Variants in KAT6B observed in about 807,000 individuals in gnomAD.
KAT6B encodes the protein lysine acetyltransferase 6B.
In KAT6B, 10 loss-of-function variants were observed where a neutral mutation model predicts 187.5. The ratio of observed to expected loss-of-function variants is 0.05; its 90% CI spans 0.03 to 0.09. KAT6B has a LOEUF of 0.09. Ranked by LOEUF, KAT6B falls within the 10% of genes least tolerant of loss-of-function variation. The pLI, the probability that KAT6B is intolerant of heterozygous loss-of-function variation, is 1.00. For missense variants in KAT6B, 1,952 were observed against 2,558.9 expected (o/e 0.76, Z 5.12); for synonymous variants, 861 against 926.8 (o/e 0.93, Z 1.29).
chr10:74,980,383 T>C (rs1162073227), intron 10 of KAT6B, among the ~76,000 whole-genome samples: 1 of 152,210 alleles, frequency 6.6e-6, no homozygotes, highest in Non-Finnish European at 1.5e-5. Flanking sequence ...AGATCTTATT[T>C]TTTTTCGTTA....
At chr10:74,828,716 T>C (rs1374245756) in intron 1 of KAT6B, among the ~76,000 whole-genome samples, 2 of 151,814 alleles carry the variant, frequency 1.3e-5, no homozygotes, top group South Asian at 4.2e-4. Flanking sequence ...TACAGGCGCC[T>C]GCCACCACGC....
chr10:74,899,713 C>T lies in KAT6B; in HGVS notation c.621+56235C>T, dbSNP rs182608675. Among the ~76,000 whole-genome samples, 140 of 152,280 alleles carry T rather than the reference C, an allele frequency of 9.2e-4. 1 individual carries two copies. The highest frequency in any genetic ancestry group is 1.8e-4 in the Non-Finnish European group (12 of 68,022). On this transcript the variant is annotated intron_variant, in intron 3 of 17. Coordinates refer to ENST00000287239, the MANE Select transcript of KAT6B (RefSeq NM_012330.4). ...TTTTTGGGTGTAAGTTTGTCCTCTA[C>T]TCCTGAGTAAGTAAGTGACCTTAGG... is the stretch of plus-strand genomic sequence containing the variant.
chr10:74,914,638 T>C (rs2132968333), intron 3 of KAT6B, among the ~76,000 whole-genome samples: 1 of 152,330 alleles, frequency 6.6e-6, no homozygotes, highest in Middle Eastern at 3.4e-3. Flanking sequence ...TGAGCCATCG[T>C]TTTTTGAATT....
intron 3 of KAT6B, among the ~76,000 whole-genome samples, chr10:74,871,713 T>C (rs1157218103): frequency 6.6e-6 from 1 of 152,074 alleles, no homozygotes; most frequent in African/African-American, 2.4e-5. Context: ...AAGGGGAGCA[T>C]TGTGAGGTAT....
chr10:74,879,734 C>T (rs1376316751), intron 3 of KAT6B, among the ~76,000 whole-genome samples: 2 of 151,978 alleles, frequency 1.3e-5, no homozygotes, highest in Non-Finnish European at 2.9e-5. Context: ...TTTTTCCTTC[C>T]TTTCTAAGCT....
chr10:74,828,750 G>A (rs538391118), intron 1 of KAT6B, among the ~76,000 whole-genome samples: 2 of 151,592 alleles, frequency 1.3e-5, no homozygotes, highest in African/African-American at 4.8e-5. Context: ...TGTATATTTA[G>A]TAGAGACGGG....
At chr10:74,984,719 A>G (rs1259363555) in intron 11 of KAT6B, 2 of 266,104 alleles carry the variant, frequency 7.5e-6, no homozygotes, top group Non-Finnish European at 1.5e-5. Flanking sequence ...ATCTGTTTAT[A>G]TTTCCTTAAT....
At chr10:74,861,930 A>C (rs1055164797) in intron 3 of KAT6B, among the ~76,000 whole-genome samples, 2 of 152,168 alleles carry the variant, frequency 1.3e-5, no homozygotes, top group African/African-American at 4.8e-5. Flanking sequence ...ACCTTGCCTA[A>C]CCCAAGATGA....
intron 3 of KAT6B, among the ~76,000 whole-genome samples, chr10:74,907,783 G>A (rs953794496): frequency 6.6e-6 from 1 of 152,190 alleles, no homozygotes. Flanking sequence ...ATCTGTCTTG[G>A]CCTCCCAAAG....
intron 17 of KAT6B, 58 bp downstream of exon 17, chr10:75,025,307 C>G: frequency 1.3e-6 from 2 of 1,581,870 alleles, no homozygotes; most frequent in South Asian, 1.1e-5. Flanking sequence ...TGACTGGGTG[C>G]CAAAGAGCAG....
intron 3 of KAT6B, among the ~76,000 whole-genome samples, chr10:74,942,765 C>CAAAAAAAAAAAAAAAAAAAAAA (rs56276008): frequency 1.1e-4 from 1 of 9,356 alleles, no homozygotes; most frequent in African/African-American, 2.4e-4. Context: ...AACTCCATCG[C>CAAAAAAAAAAAAAAAAAAAAAA]AAAAAAAAAA....
chr10:74,936,692 A>G (rs978097394), intron 3 of KAT6B, among the ~76,000 whole-genome samples: 1 of 152,170 alleles, frequency 6.6e-6, no homozygotes, highest in Non-Finnish European at 1.5e-5. Context: ...GTATGTGTGT[A>G]ATATTGGAGC....
chr10:75,008,107 G>A (rs1262912085), intron 13 of KAT6B, among the ~76,000 whole-genome samples: 1 of 152,180 alleles, frequency 6.6e-6, no homozygotes, highest in South Asian at 2.1e-4. Context: ...AGGGTTGTGC[G>A]TTAACAGAAT....
rs1842369847 is a variant in KAT6B at position 74,979,401 on chromosome 10, C to A, written c.2231+62C>A. The stretch of plus-strand genomic sequence containing the variant: ...GTCACATATGTGAGAAAGGAAAATT[C>A]TTGATTCTAAAGCAGGAATTAGGGA... On this transcript the variant is annotated intron_variant, in intron 10 of 17. Coordinates refer to ENST00000287239, the MANE Select transcript of KAT6B (RefSeq NM_012330.4). 2.9e-5 allele frequency: 35 copies of A among 1,187,816 alleles called. 2 individuals are homozygous for A. In the South Asian group the frequency reaches 4.3e-4, roughly 15 times the overall value. The allele number at this position is 1,187,816 out of a possible 1,614,324, so 73.6% of individuals were successfully genotyped here. A position where few individuals can be genotyped will look rare whatever the true frequency, so the allele number is the denominator to read the frequency against.
At chr10:74,904,377 G>C (rs977010530) in intron 3 of KAT6B, among the ~76,000 whole-genome samples, 1 of 152,222 alleles carries the variant, frequency 6.6e-6, no homozygotes, top group African/African-American at 2.4e-5. Context: ...CCTTATGGTT[G>C]TAAGACTGAG....
intron 10 of KAT6B, among the ~76,000 whole-genome samples, chr10:74,981,306 T>TCTTCCTTCCTTCCTTCCTTCCTTCCTTC (rs558339853): frequency 7.6e-4 from 107 of 140,000 alleles, no homozygotes; most frequent in African/African-American, 3.0e-3. Flanking sequence ...TTTCTTTCTT[T>TCTTCCTTCCTTCCTTCCTTCCTTCCTTC]CTTCCTTCCT....
intron 13 of KAT6B, among the ~76,000 whole-genome samples, chr10:74,994,666 A>G (rs540918439): frequency 3.7e-4 from 56 of 152,108 alleles, no homozygotes; most frequent in African/African-American, 1.3e-3. Context: ...AGGCGCCTGT[A>G]GTCCCAGCTA....
In KAT6B at chr10:74,975,966, C is replaced by A. The variant is rs1554835808; in HGVS notation, c.1629C>A (p.Leu543=). ...CCACTAACAGCCAGCTGAAGGCACT[C>A]TTTGATGGGCTTTCTCATATCTATA... ...SLTTNSQLKA[L]FDGLSHIYTT... Residue 543 remains leucine, a synonymous_variant, in exon 8 of 18, where the codon CTC becomes CTA. Coordinates refer to ENST00000287239, the MANE Select transcript of KAT6B (RefSeq NM_012330.4). The A allele has an allele frequency of 6.2e-7, 1 of 1,614,150 alleles. No individual in the cohort carries two copies. The highest frequency in any genetic ancestry group is 8.5e-7 in the Non-Finnish European group (1 of 1,180,030).
intron 11 of KAT6B, 167 bp from the exon 12 acceptor site, chr10:74,984,913 C>T: frequency 4.6e-6 from 3 of 653,724 alleles, no homozygotes; most frequent in South Asian, 1.9e-5. Flanking sequence ...TTGCCAGTGA[C>T]AGCTGTTTTC....
Sources: gnomAD v4.1 joint callset for allele counts (sites outside exome capture counted in the v4.1 genomes callset) on GRCh38, gnomAD v4.1.1 for gene constraint, MANE v1.5 for transcripts, NCBI Gene and HGNC (gene_info 2026-07-23, HGNC 2026-07-21) for gene names.